IRAK2: variants seen among roughly 807,000 people sequenced by gnomAD.
IRAK2 encodes interleukin 1 receptor associated kinase 2.
IRAK2 carries 57 observed loss-of-function variants against 72.0 expected under a neutral mutation model. That is an observed-to-expected ratio of 0.79 (90% CI 0.64 to 0.99). IRAK2 has a LOEUF of 0.99. Ranked by LOEUF, IRAK2 falls within the 50% of genes least tolerant of loss-of-function variation. The pLI is 0.00. For synonymous variants in IRAK2, 293 were observed against 312.7 expected (o/e 0.94, Z 0.67); for missense variants, 790 against 794.4 (o/e 0.99, Z 0.07).
chr3:10,208,545 C>T (rs200719801), intron 3 of IRAK2, among the ~76,000 whole-genome samples: 9,430 of 148,326 alleles, frequency 0.064, 718 homozygotes, highest in African/African-American at 0.18. Context: ...GGGCAGATCA[C>T]GAGTTCAGGA....
At chr3:10,198,974 A>G (rs11916301) in intron 2 of IRAK2, among the ~76,000 whole-genome samples, 9,516 of 152,134 alleles carry the variant, frequency 0.063, 919 homozygotes, top group African/African-American at 0.21. Flanking sequence ...CTATAGCATC[A>G]GGTTTTATCT....
chr3:10,183,869 C>T (rs1254743954), intron 2 of IRAK2, among the ~76,000 whole-genome samples: 6 of 152,192 alleles, frequency 3.9e-5, no homozygotes, highest in African/African-American at 1.4e-4. Flanking sequence ...ATGTCTTGGG[C>T]TCCTCTATTA....
rs1158568224 is a variant in IRAK2, at chr3:10,226,434, G to C, written c.1272+1G>C. 12 of 1,612,502 alleles carry C rather than the reference G, an allele frequency of 7.4e-6. No individual in the cohort carries two copies. The South Asian group carries it at 1.3e-4, about 18-fold the overall frequency. On this transcript the variant is annotated splice_donor_variant, in intron 10 of 12. Transcript: ENST00000256458. LOFTEE classifies it high-confidence loss of function. ...TAACAACCGAAGCCCGGTTTACCTG[G>C]TAAGGGAACTTGTCACATCTGGCTG...
intron 8 of IRAK2, among the ~76,000 whole-genome samples, chr3:10,221,179 TCA>T (rs2125159357): frequency 6.8e-6 from 1 of 146,158 alleles, no homozygotes; most frequent in Admixed American, 7.0e-5. Context: ...GATCACGAGG[TCA>T]AGAGATCGAG....
intron 2 of IRAK2, among the ~76,000 whole-genome samples, chr3:10,190,597 C>T (rs889781055): frequency 6.6e-5 from 10 of 152,056 alleles, no homozygotes; most frequent in African/African-American, 2.4e-4. Flanking sequence ...GTGTGGAATG[C>T]CTCTAAGCCA....
chr3:10,232,840 G>A (rs892561678), intron 10 of IRAK2, among the ~76,000 whole-genome samples: 14 of 152,066 alleles, frequency 9.2e-5, no homozygotes, highest in Non-Finnish European at 1.8e-4. Context: ...AAGACAGGAG[G>A]ATTAGTTGAG....
intron 2 of IRAK2, among the ~76,000 whole-genome samples, chr3:10,196,905 A>G (rs1046847060): frequency 3.3e-5 from 5 of 152,170 alleles, no homozygotes; most frequent in African/African-American, 1.2e-4. Context: ...CTGGAGCCAG[A>G]GGGGTCCCCA....
At chr3:10,184,140 C>T (rs559475317) in intron 2 of IRAK2, among the ~76,000 whole-genome samples, 1 of 152,290 alleles carries the variant, frequency 6.6e-6, no homozygotes, top group East Asian at 1.9e-4. Context: ...TGGGTACACT[C>T]CACTTCTTTT....
intron 11 of IRAK2, among the ~76,000 whole-genome samples, chr3:10,235,102 C>T (rs1697934788): frequency 6.6e-6 from 1 of 152,126 alleles, no homozygotes. Flanking sequence ...CATGGTGGGG[C>T]GGTCCAGCAT....
At chr3:10,215,751 T>TACACACACACACACACACACAC (rs145978380) in intron 6 of IRAK2, among the ~76,000 whole-genome samples, 5 of 150,126 alleles carry the variant, frequency 3.3e-5, no homozygotes, top group African/African-American at 1.2e-4. Flanking sequence ...CTCACATGTG[T>TACACACACACACACACACACAC]ACACACACAC....
chr3:10,199,308 T>C (rs1164289643), intron 2 of IRAK2, among the ~76,000 whole-genome samples: 7 of 152,158 alleles, frequency 4.6e-5, no homozygotes, highest in Non-Finnish European at 2.9e-5. Flanking sequence ...ATGATTACCC[T>C]CGAGAAGGCA....
chr3:10,178,040 C>A lies in IRAK2; in HGVS notation c.277+20C>A. On this transcript the variant is annotated intron_variant, in intron 2 of 12. Transcript: ENST00000256458. Reference sequence around the variant, plus strand: ...TGAACTGTGAGTAACTCAGGGCCCTCCTTGAGTGGGGCCCATCACGCTCCT... The same window carrying A: ...TGAACTGTGAGTAACTCAGGGCCCTACTTGAGTGGGGCCCATCACGCTCCT... 1 of 1,578,350 alleles carries A rather than the reference C, an allele frequency of 6.3e-7. No homozygotes were observed. Among genetic ancestry groups the A allele is most frequent in the Non-Finnish European group, 8.6e-7 (1 of 1,158,064 alleles).
At chr3:10,235,331 G>A (rs1697939279) in intron 11 of IRAK2, among the ~76,000 whole-genome samples, 1 of 151,388 alleles carries the variant, frequency 6.6e-6, no homozygotes, top group Non-Finnish European at 1.5e-5. Flanking sequence ...TTTTGAGACA[G>A]AGTCTCCTTC....
At chr3:10,204,193 A>G (rs1156621154) in intron 3 of IRAK2, among the ~76,000 whole-genome samples, 1 of 152,258 alleles carries the variant, frequency 6.6e-6, no homozygotes, top group African/African-American at 2.4e-5. Flanking sequence ...TACCTGGACA[A>G]GAAACAGACC....
At chr3:10,198,245 C>T (rs1469193014) in intron 2 of IRAK2, among the ~76,000 whole-genome samples, 1 of 152,248 alleles carries the variant, frequency 6.6e-6, no homozygotes, top group Non-Finnish European at 1.5e-5. Context: ...TTTAAAATGT[C>T]AGTGACAGTA....
intron 2 of IRAK2, among the ~76,000 whole-genome samples, chr3:10,178,839 G>A (rs112155298): frequency 0.013 from 1,932 of 152,226 alleles, 35 homozygotes; most frequent in African/African-American, 0.045. Context: ...GTCGTGCTCT[G>A]CTGCCCAGGC....
Position 10,242,768 on chromosome 3 carries a change from A to G in IRAK2, c.*540A>G, listed in dbSNP as rs1575996816. The stretch of plus-strand genomic sequence containing the variant: ...GCAATCCTCCCACCTCAGACTCCCA[A>G]AGTGCTGGAATTACAGTTGGGAGCC... On this transcript the variant is annotated 3_prime_UTR_variant, in exon 13 of 13. Coordinates refer to ENST00000256458, the MANE Select transcript of IRAK2 (RefSeq NM_001570.4). 2 of 152,112 alleles carry G rather than the reference A, an allele frequency of 1.3e-5. No individual in the cohort carries two copies. The highest frequency in any genetic ancestry group is 3.9e-4 in the East Asian group (2 of 5,192). 9.4% of individuals were successfully genotyped at this position (152,112 alleles called of 1,614,324 possible).
chr3:10,178,406 A>G (rs541029187), intron 2 of IRAK2, among the ~76,000 whole-genome samples: 2 of 151,996 alleles, frequency 1.3e-5, no homozygotes, highest in East Asian at 3.9e-4. Flanking sequence ...GCAGTGAGCC[A>G]GGATTGCACC....
intron 1 of IRAK2, among the ~76,000 whole-genome samples, chr3:10,172,537 CAAAAAAAAAAAA>C (rs71055803): frequency 2.9e-5 from 1 of 34,928 alleles, no homozygotes. Flanking sequence ...AACTCCGACT[CAAAAAAAAAAAA>C]AAAAAAAAGG....
Sources: gnomAD v4.1 joint callset for allele counts (sites outside exome capture counted in the v4.1 genomes callset) on GRCh38, gnomAD v4.1.1 for gene constraint, MANE v1.5 for transcripts, NCBI Gene and HGNC (gene_info 2026-07-23, HGNC 2026-07-21) for gene names.